The following CDKAL1 variants were observed in gnomAD, a reference collection of about 807,000 sequenced individuals.
CDKAL1 encodes the protein threonylcarbamoyladenosine tRNA methylthiotransferase.
CDKAL1 carries 32 observed loss-of-function variants against 68.2 expected under a neutral mutation model. That is an observed-to-expected ratio of 0.47 (90% confidence interval 0.35 to 0.63). The LOEUF is 0.63. Ranked by LOEUF, CDKAL1 falls within the 30% of genes least tolerant of loss-of-function variation. The probability of loss-of-function intolerance (pLI) is 0.00; values close to 1 mark genes in which losing one functional copy is unlikely to be tolerated. For synonymous variants in CDKAL1, 234 were observed against 244.3 expected (o/e 0.96, Z 0.39); for missense variants, 606 against 696.7 (o/e 0.87, Z 1.47).
intron 5 of CDKAL1, among the ~76,000 whole-genome samples, chr6:20,700,369 A>T (rs55933147): frequency 0.71 from 106,761 of 149,904 alleles, 38,362 homozygotes; most frequent in East Asian, 0.83. Flanking sequence ...AAAAAAAAAA[A>T]AAATAAATAA....
In CDKAL1 at chr6:21,183,122, A is replaced by G. The variant is rs527393151; in HGVS notation, c.1300-14899A>G. 2.7e-5 allele frequency among the ~76,000 whole-genome samples: 4 copies of G among 150,772 alleles called. No homozygotes were observed. The East Asian group carries it at 7.8e-4, about 29-fold the overall frequency. ...CATAGGATCATGTTTTAGAAATGACAGTAAGCTGCTCTAGGTTTTTTTTTT... is the reference window on the plus strand; with the variant it reads ...CATAGGATCATGTTTTAGAAATGACGGTAAGCTGCTCTAGGTTTTTTTTTT... On this transcript the variant is annotated intron_variant, in intron 13 of 15. Transcript: ENST00000274695.
At chr6:20,699,745 C>T (rs72830697) in intron 5 of CDKAL1, among the ~76,000 whole-genome samples, 349 of 152,196 alleles carry the variant, frequency 2.3e-3, no homozygotes, top group Non-Finnish European at 4.1e-3. Flanking sequence ...TCAGCTGTAG[C>T]GAGAAGACCA....
intron 10 of CDKAL1, among the ~76,000 whole-genome samples, chr6:20,959,969 T>C (rs1004879949): frequency 6.6e-6 from 1 of 152,194 alleles, no homozygotes; most frequent in Non-Finnish European, 1.5e-5. Flanking sequence ...TGGCTGCTGC[T>C]AATGAGGCAC....
chr6:20,938,384 G>A (rs1428420082), intron 9 of CDKAL1, among the ~76,000 whole-genome samples: 5 of 152,192 alleles, frequency 3.3e-5, no homozygotes. Context: ...ACAGAGTTTT[G>A]AAAATAAGAT....
intron 12 of CDKAL1, among the ~76,000 whole-genome samples, chr6:21,066,576 C>A (rs1207863594): frequency 6.6e-6 from 1 of 152,096 alleles, no homozygotes; most frequent in Non-Finnish European, 1.5e-5. Flanking sequence ...AGAACAATTC[C>A]ATTAGCCCCC....
rs185404745 is a variant in CDKAL1, at chr6:20,890,432, G to T, written c.742+44254G>T. Among the ~76,000 whole-genome samples the T allele has an allele frequency of 3.1e-3, 479 of 152,338 alleles. 2 individuals carry two copies. Among genetic ancestry groups the T allele is most frequent in the African/African-American group, 8.8e-3 (367 of 41,580 alleles). Reference sequence around the variant, plus strand: ...ACATTCATGAGGAGAAAAGTGCTCAGCAATAGATGTGGAAAAATCAGTGAG... The same window carrying T: ...ACATTCATGAGGAGAAAAGTGCTCATCAATAGATGTGGAAAAATCAGTGAG... On this transcript the variant is annotated intron_variant, in intron 9 of 15. Coordinates refer to ENST00000274695, the MANE Select transcript of CDKAL1 (RefSeq NM_017774.3).
chr6:20,801,874 C>A (rs1223432642), intron 8 of CDKAL1, among the ~76,000 whole-genome samples: 1 of 152,064 alleles, frequency 6.6e-6, no homozygotes, highest in African/African-American at 2.4e-5. Context: ...ATTATTTTAG[C>A]CCAATGTGTA....
At chr6:21,054,262 A>G (rs1249617604) in intron 11 of CDKAL1, among the ~76,000 whole-genome samples, 1 of 152,152 alleles carries the variant, frequency 6.6e-6, no homozygotes. Context: ...TTGAAAACTA[A>G]TTACCCATAT....
chr6:21,117,412 C>T (rs559902722), intron 13 of CDKAL1, among the ~76,000 whole-genome samples: 3 of 151,192 alleles, frequency 2.0e-5, no homozygotes, highest in South Asian at 2.1e-4. Flanking sequence ...TCAGGGTGGG[C>T]GGATCTGTTG....
At chr6:21,217,390 C>A (rs866159715) in intron 15 of CDKAL1, among the ~76,000 whole-genome samples, 39 of 151,002 alleles carry the variant, frequency 2.6e-4, no homozygotes, top group African/African-American at 9.2e-4. Flanking sequence ...GAAATCCTGG[C>A]CTTAGGTGAT....
intron 9 of CDKAL1, among the ~76,000 whole-genome samples, chr6:20,874,817 T>A (rs1480685573): frequency 6.6e-6 from 1 of 151,884 alleles, no homozygotes; most frequent in African/African-American, 2.4e-5. Flanking sequence ...TATTTTAATA[T>A]TCCTGAAAAG....
rs140314072 is a variant in CDKAL1, at chr6:20,707,266, G to A, written c.372-32253G>A. ...GTGTTTTGGGTCTTTCCTTGGTCAC[G>A]TGGCTGTTGAGATCTGCCTGGGTTA... On this transcript the variant is annotated intron_variant, in intron 5 of 15. Transcript: ENST00000274695. 3.5e-3 allele frequency among the ~76,000 whole-genome samples: 526 copies of A among 152,262 alleles called. 6 individuals are homozygous for A. Among genetic ancestry groups the A allele is most frequent in the African/African-American group, 0.012 (506 of 41,548 alleles).
chr6:20,640,483 G>A (rs1768121202), intron 4 of CDKAL1, among the ~76,000 whole-genome samples: 1 of 152,174 alleles, frequency 6.6e-6, no homozygotes, highest in Admixed American at 6.5e-5. Context: ...GTGCTTTAGG[G>A]TAATAATCCT....
intron 15 of CDKAL1, among the ~76,000 whole-genome samples, chr6:21,214,336 A>G (rs975699717): frequency 2.0e-5 from 3 of 151,996 alleles, no homozygotes; most frequent in African/African-American, 7.2e-5. Context: ...TATACATACC[A>G]TATAAAAATT....
At chr6:21,071,714 T>C (rs763227707) in intron 12 of CDKAL1, among the ~76,000 whole-genome samples, 20 of 152,226 alleles carry the variant, frequency 1.3e-4, no homozygotes, top group Non-Finnish European at 1.9e-4. Context: ...GGCTATCATG[T>C]ATCTTCCTCC....
chr6:21,165,452 G>A (rs1777113433), intron 13 of CDKAL1, among the ~76,000 whole-genome samples: 1 of 152,090 alleles, frequency 6.6e-6, no homozygotes, highest in African/African-American at 2.4e-5. Context: ...TATGTTCATA[G>A]CTTCTTTTTA....
intron 10 of CDKAL1, among the ~76,000 whole-genome samples, chr6:20,971,899 T>C (rs1765621010): frequency 6.6e-6 from 1 of 152,210 alleles, no homozygotes; most frequent in African/African-American, 2.4e-5. Context: ...TTACTTGATG[T>C]GACCTTGAAT....
chr6:20,802,805 G>A (rs1290899949), intron 8 of CDKAL1, among the ~76,000 whole-genome samples: 2 of 152,224 alleles, frequency 1.3e-5, no homozygotes, highest in African/African-American at 4.8e-5. Context: ...GAAGGCCAGT[G>A]AGTGGGTGGG....
chr6:20,646,564 T>A (rs1165953167), intron 4 of CDKAL1, among the ~76,000 whole-genome samples: 1 of 152,138 alleles, frequency 6.6e-6, no homozygotes, highest in African/African-American at 2.4e-5. Flanking sequence ...TTGAAACCAA[T>A]GTTGGCAAAA....
Sources: allele counts gnomAD v4.1 joint callset (sites outside exome capture counted in the v4.1 genomes callset), GRCh38; gene constraint gnomAD v4.1.1; transcripts MANE v1.5; gene names NCBI Gene and HGNC (gene_info 2026-07-23, HGNC 2026-07-21).